The following MGST1 variants were observed in gnomAD, a reference collection of about 807,000 sequenced individuals.
The protein encoded by MGST1 is glutathione S-transferase 12.
A neutral mutation model predicts 8.9 loss-of-function variants in MGST1; 5 were observed. The ratio of observed to expected loss-of-function variants is 0.56; its 90% CI spans 0.29 to 1.19. The LOEUF is 1.19. Ranked by LOEUF, MGST1 falls within the 50% of genes most tolerant of loss-of-function variation. MGST1 has a pLI of 0.08. For synonymous variants in MGST1, 54 were observed against 67.8 expected (o/e 0.80, Z 1.00); for missense variants, 182 against 187.4 (o/e 0.97, Z 0.17).
At chr12:16,387,242 C>T (rs185539269) in intron 1 of MGST1, among the ~76,000 whole-genome samples, 2 of 152,096 alleles carry the variant, frequency 1.3e-5, no homozygotes, top group East Asian at 1.9e-4. Context: ...ACATTTTGGT[C>T]AATGATGGAG....
chr12:16,518,904 C>T (rs1941632105), intron 4 of MGST1, among the ~76,000 whole-genome samples: 1 of 152,206 alleles, frequency 6.6e-6, no homozygotes, highest in Non-Finnish European at 1.5e-5. Flanking sequence ...CACTGATAAT[C>T]TCAGAACCAG....
At chr12:16,352,486 G>T (rs1339486207) in intron 1 of MGST1, among the ~76,000 whole-genome samples, 1 of 152,166 alleles carries the variant, frequency 6.6e-6, no homozygotes, top group Non-Finnish European at 1.5e-5. Flanking sequence ...TCTGAGAAAA[G>T]TTGTGTGTGT....
At chr12:16,444,352 T>C (rs962903956) in intron 4 of MGST1, among the ~76,000 whole-genome samples, 1 of 151,814 alleles carries the variant, frequency 6.6e-6, no homozygotes, top group Non-Finnish European at 1.5e-5. Flanking sequence ...CCAATCCACT[T>C]TCATTGTCCC....
chr12:16,531,419 G>A (rs753512601), intron 4 of MGST1, among the ~76,000 whole-genome samples: 1 of 151,930 alleles, frequency 6.6e-6, no homozygotes, highest in Non-Finnish European at 1.5e-5. Context: ...GCCCTTTCCT[G>A]TATAGAGGTA....
intron 4 of MGST1, among the ~76,000 whole-genome samples, chr12:16,467,868 T>A (rs1289586890): frequency 6.6e-6 from 1 of 152,150 alleles, no homozygotes; most frequent in Non-Finnish European, 1.5e-5. Context: ...AACTCCTACT[T>A]AAGTAGTCTT....
intron 1 of MGST1, among the ~76,000 whole-genome samples, chr12:16,349,965 C>T (rs545474335): frequency 1.2e-3 from 175 of 152,156 alleles, no homozygotes; most frequent in African/African-American, 4.0e-3. Context: ...AGGATGGTCT[C>T]GATCTCCTGA....
chr12:16,558,898 G>A (rs777826814), intron 4 of MGST1, among the ~76,000 whole-genome samples: 21 of 152,186 alleles, frequency 1.4e-4, no homozygotes, highest in Non-Finnish European at 2.2e-4. Flanking sequence ...CTGCAAGAGA[G>A]GTGTTAGTGT....
intron 4 of MGST1, among the ~76,000 whole-genome samples, chr12:16,575,690 G>A (rs1182667747): frequency 1.3e-5 from 2 of 152,124 alleles, no homozygotes; most frequent in Non-Finnish European, 2.9e-5. Flanking sequence ...CACACACTGA[G>A]CCATTTAGGA....
At chr12:16,417,255 G>A (rs1192470543) in intron 1 of MGST1, among the ~76,000 whole-genome samples, 1 of 152,182 alleles carries the variant, frequency 6.6e-6, no homozygotes, top group Non-Finnish European at 1.5e-5. Flanking sequence ...GGTGGCAGGA[G>A]AGGGAAGTGC....
At chr12:16,365,338 G>A (rs574493471), downstream of MGST1, among the ~76,000 whole-genome samples, 1 of 152,034 alleles carries the variant, frequency 6.6e-6, no homozygotes, top group African/African-American at 2.4e-5. Flanking sequence ...GTTTTTTCTT[G>A]TATATGCCAT....
At position 16,519,646 on chromosome 12, in the gene MGST1, A is replaced by ATT. The variant is rs11381851; in HGVS notation, n.483-69876_483-69875dup. The stretch of plus-strand genomic sequence containing the variant: ...TGCTTTTTGCTAACAAATAGACTAC[A>ATT]TTTTTTTACAGTTTCAGCTGACTAC... On this transcript the variant is annotated intron_variant and non_coding_transcript_variant, in intron 4 of 4. Transcript: ENST00000538857. 7.6e-3 allele frequency among the ~76,000 whole-genome samples: 1,162 copies of ATT among 152,134 alleles called. 18 individuals carry two copies. The highest frequency in any genetic ancestry group is 0.027 in the African/African-American group (1,102 of 41,520).
intron 4 of MGST1, among the ~76,000 whole-genome samples, chr12:16,464,125 A>C (rs756399279): frequency 4.6e-5 from 7 of 152,264 alleles, no homozygotes; most frequent in Non-Finnish European, 8.8e-5. Context: ...TATAAGTCAT[A>C]AGAATTATGG....
Position 16,389,560 on chromosome 12 carries a change from G to T in MGST1, n.778+5956G>T, listed in dbSNP as rs763486904. Among the ~76,000 whole-genome samples the T allele has an allele frequency of 6.6e-6, 1 of 152,156 alleles. No individual in the cohort carries two copies. The highest frequency in any genetic ancestry group is 3.2e-3 in the Middle Eastern group (1 of 316). On this transcript the variant is annotated intron_variant and non_coding_transcript_variant, in intron 1 of 1. Transcript: ENST00000359720. The surrounding 1 kb of genome is among the most constrained non-coding windows in gnomAD (Gnocchi z 4.6). The stretch of plus-strand genomic sequence containing the variant: ...TTCCCTGCCCTTCTTAGGATAGCCA[G>T]TAGAAAAATGGGGTTTCCCTGGATT...
rs1390295017 is a variant in MGST1 at position 16,576,613 on chromosome 12, A to G, written n.483-12915A>G. Among the ~76,000 whole-genome samples, 1 of 152,150 alleles carries G rather than the reference A, an allele frequency of 6.6e-6. No homozygotes were observed. The highest frequency in any genetic ancestry group is 2.4e-5 in the African/African-American group (1 of 41,428). ...CCTGTTTGTCTCTTTCTCACTACAT[A>G]ATAAGCTCCCTGAAAACTTGCCTTC... On this transcript the variant is annotated intron_variant and non_coding_transcript_variant, in intron 4 of 4. Transcript: ENST00000538857. This position sits in a 1 kb window ranked among gnomAD's most constrained non-coding sequence, Gnocchi z 4.1.
At chr12:16,434,485 C>T (rs1940966628) in intron 1 of MGST1, among the ~76,000 whole-genome samples, 1 of 151,300 alleles carries the variant, frequency 6.6e-6, no homozygotes, top group Admixed American at 6.6e-5. Context: ...TTTTAACATG[C>T]TTCAACTAGA....
chr12:16,564,791 T>C (rs924536912), intron 4 of MGST1, among the ~76,000 whole-genome samples: 1 of 152,156 alleles, frequency 6.6e-6, no homozygotes, highest in Admixed American at 6.6e-5. Flanking sequence ...TGCATAAATT[T>C]AGAAGTTATT....
At chr12:16,360,792 G>T (rs898161006) in intron 3 of MGST1, among the ~76,000 whole-genome samples, 3 of 152,150 alleles carry the variant, frequency 2.0e-5, no homozygotes, top group African/African-American at 7.2e-5. Flanking sequence ...AGTGACACTT[G>T]CTGGGGACTC....
intron 1 of MGST1, among the ~76,000 whole-genome samples, chr12:16,390,273 C>G (rs992099316): frequency 1.4e-4 from 21 of 152,002 alleles, no homozygotes; most frequent in African/African-American, 4.6e-4. Context: ...CTTTAGAAAG[C>G]TAACACATGC....
chr12:16,492,837 A>G lies in MGST1; in HGVS notation n.483-96691A>G, dbSNP rs567981508. Among the ~76,000 whole-genome samples, 45 of 152,280 alleles carry G rather than the reference A, an allele frequency of 3.0e-4. 1 individual carries two copies. The highest frequency in any genetic ancestry group is 1.2e-3 in the Admixed American group (18 of 15,282). ...AATTTGGCCCAGGGGCTACCTTGCTAATGTATATTTACATGAAAGACCAAG... is the reference window on the plus strand; with the variant it reads ...AATTTGGCCCAGGGGCTACCTTGCTGATGTATATTTACATGAAAGACCAAG... On this transcript the variant is annotated intron_variant and non_coding_transcript_variant, in intron 4 of 4. Transcript: ENST00000538857.
Sources: allele counts gnomAD v4.1 joint callset (sites outside exome capture counted in the v4.1 genomes callset), GRCh38; gene constraint gnomAD v4.1.1; non-coding constraint Gnocchi (gnomAD v3.1); transcripts MANE v1.5; gene names NCBI Gene and HGNC (gene_info 2026-07-23, HGNC 2026-07-21).